Variants in OTC observed in about 807,000 individuals in gnomAD.
The protein encoded by OTC is ornithine transcarbamylase.
A neutral mutation model predicts 30.3 loss-of-function variants in OTC; 3 were observed. The ratio of observed to expected loss-of-function variants is 0.10; its 90% CI spans 0.05 to 0.26. OTC has a LOEUF of 0.26. OTC is among the 10% of genes least tolerant of loss of function. The probability of loss-of-function intolerance (pLI) is 1.00; values close to 1 mark genes in which losing one functional copy is unlikely to be tolerated. For missense variants in OTC, 194 were observed against 260.3 expected, an observed-to-expected ratio of 0.75 and a Z score of 1.75; for synonymous variants, 111 against 99.7, an observed-to-expected ratio of 1.11 and a Z score of -0.67.
chrX:38,350,292 A>C (rs2068207764), upstream of OTC, among the ~76,000 whole-genome samples: 1 of 111,199 alleles, frequency 9.0e-6, no homozygotes. Context: ...CTGTTTTATC[A>C]CTCTGTCTCT....
the OTC span, among the ~76,000 whole-genome samples, chrX:38,330,567 A>C: frequency 9.8e-5 from 11 of 112,254 alleles, no homozygotes; most frequent in African/African-American, 3.6e-4. Flanking sequence ...TGGTAGATGC[A>C]GGATTGAACC....
intron 4 of OTC, among the ~76,000 whole-genome samples, chrX:38,393,073 A>G (rs975930116): frequency 2.5e-4 from 28 of 112,252 alleles, no homozygotes; most frequent in African/African-American, 9.1e-4. Context: ...AGCTGGCTGT[A>G]TTTTACCAAG....
chrX:38,377,065 C>T (rs1395033438), intron 3 of OTC, among the ~76,000 whole-genome samples: 1 of 111,632 alleles, frequency 9.0e-6, no homozygotes, highest in African/African-American at 3.3e-5. Context: ...GGAACATTAT[C>T]AAGGATACAA....
chrX:38,335,655 T>A, the OTC span, among the ~76,000 whole-genome samples: 1 of 112,888 alleles, frequency 8.9e-6, no homozygotes, highest in African/African-American at 3.2e-5. Context: ...AAGGGAGGAC[T>A]AACTGACTGT....
intron 1 of OTC, among the ~76,000 whole-genome samples, chrX:38,366,653 G>A (rs901052330): frequency 1.8e-5 from 2 of 112,089 alleles, no homozygotes; most frequent in African/African-American, 6.5e-5. Flanking sequence ...TTTTCTAGGT[G>A]TGAAATTTAG....
At chrX:38,352,979 C>T (rs1259658734) in intron 1 of OTC, among the ~76,000 whole-genome samples, 3 of 112,024 alleles carry the variant, frequency 2.7e-5, no homozygotes, top group Non-Finnish European at 5.6e-5. Flanking sequence ...GGGAAGCCAC[C>T]CATGGCAGGT....
intron 9 of OTC, among the ~76,000 whole-genome samples, chrX:38,415,655 C>A (rs2068567107): frequency 9.1e-6 from 1 of 110,411 alleles, no homozygotes; most frequent in Non-Finnish European, 1.9e-5. Flanking sequence ...GAGTTTGAGA[C>A]CAGCCTGGCC....
intron 1 of OTC, among the ~76,000 whole-genome samples, chrX:38,362,333 C>T (rs2068276139): frequency 9.0e-6 from 1 of 111,026 alleles, no homozygotes; most frequent in South Asian, 3.8e-4. Flanking sequence ...CAAAGGGGCA[C>T]AAGGAAACTC....
chrX:38,348,844 A>G (rs1220656223), upstream of OTC, among the ~76,000 whole-genome samples: 1 of 111,548 alleles, frequency 9.0e-6, no homozygotes, highest in Non-Finnish European at 1.9e-5. Flanking sequence ...CTGTGATGGG[A>G]ATATTTACAC....
intron 4 of OTC, among the ~76,000 whole-genome samples, chrX:38,391,942 C>G (rs748826914): frequency 8.9e-6 from 1 of 111,959 alleles, no homozygotes; most frequent in South Asian, 3.7e-4. Flanking sequence ...AATAGAGCCA[C>G]TGATACCACC....
In OTC at chrX:38,411,863, C is replaced by T. The variant is rs1477976661; in HGVS notation, c.869C>T (p.Thr290Ile). Residue 290 changes from threonine to isoleucine, a missense_variant and splice_region_variant, in exon 9 of 10, where the codon ACT (threonine) becomes ATT (isoleucine). By Grantham distance (89) the Thr-to-Ile change is moderately conservative (BLOSUM62 -1). Transcript: ENST00000039007. ...AFQGYQVTMK[T>I]AKVAASDWTF... ...GTGGTCTTATCCCCATCTCTTTAGA[C>T]TGCTAAAGTTGCTGCCTCTGACTGG... The T allele has an allele frequency of 8.3e-7, 1 of 1,210,594 alleles. No homozygotes were observed. Among genetic ancestry groups the T allele is most frequent in the African/African-American group, 1.7e-5 (1 of 57,795 alleles).
chrX:38,394,883 AAGT>A (rs1383166947), intron 4 of OTC, among the ~76,000 whole-genome samples: 2 of 96,620 alleles, frequency 2.1e-5, no homozygotes, highest in Non-Finnish European at 4.2e-5. Context: ...TGAAAAAGGA[AAGT>A]AGTTTCTGGG....
intron 6 of OTC, 87 bp from the exon 7 acceptor site, chrX:38,408,655 C>A: frequency 1.6e-6 from 1 of 606,400 alleles, no homozygotes. Context: ...GGGAAGGAGA[C>A]GCGATATTGA....
the OTC span, among the ~76,000 whole-genome samples, chrX:38,334,103 G>A: frequency 8.9e-6 from 1 of 112,270 alleles, no homozygotes; most frequent in Admixed American, 9.5e-5. Flanking sequence ...GCAGTTGTAT[G>A]AATAGGTAAT....
chrX:38,406,460 T>A (rs922846698), intron 6 of OTC, among the ~76,000 whole-genome samples: 3 of 111,930 alleles, frequency 2.7e-5, no homozygotes, highest in Non-Finnish European at 5.6e-5. Flanking sequence ...AAAATTTATG[T>A]AAAGGCTAGT....
intron 3 of OTC, among the ~76,000 whole-genome samples, chrX:38,374,307 T>C (rs1482732537): frequency 9.1e-6 from 1 of 110,096 alleles, no homozygotes; most frequent in Non-Finnish European, 1.9e-5. Flanking sequence ...TGGAAGCCCA[T>C]CTCTCTGTCC....
chrX:38,353,757 C>A (rs771863318), intron 1 of OTC, among the ~76,000 whole-genome samples: 7 of 111,494 alleles, frequency 6.3e-5, no homozygotes, highest in South Asian at 3.8e-4. Flanking sequence ...AAATTAAGCC[C>A]ATAATATTAG....
the OTC span, among the ~76,000 whole-genome samples, chrX:38,340,459 GTTT>G: frequency 1.7e-5 from 1 of 60,517 alleles, no homozygotes; most frequent in African/African-American, 6.5e-5. Context: ...TTGTTTTTTT[GTTT>G]TTTTTTTTTT....
chrX:38,408,566 A>G (rs2068527021), intron 6 of OTC, among the ~76,000 whole-genome samples, 176 bp from the exon 7 acceptor site: 1 of 111,878 alleles, frequency 8.9e-6, no homozygotes, highest in Non-Finnish European at 1.9e-5. Context: ...TTTAAATTCC[A>G]AAAGGCACTA....
Sources: allele counts gnomAD v4.1 joint callset (sites outside exome capture counted in the v4.1 genomes callset), GRCh38; gene constraint gnomAD v4.1.1; transcripts MANE v1.5; gene names NCBI Gene and HGNC (gene_info 2026-07-23, HGNC 2026-07-21).